Variants in MTUS1 observed in about 807,000 individuals in gnomAD.
MTUS1 encodes the protein microtubule-associated tumor suppressor 1.
MTUS1 carries 109 observed loss-of-function variants against 120.8 expected under a neutral mutation model. The observed-to-expected ratio is 0.90, with a 90% CI of 0.77 to 1.06. The LOEUF (loss-of-function observed/expected upper bound fraction) is 1.06, where lower values mean the gene tolerates loss of function less well. Among genes scored for constraint, MTUS1 ranks in the 50% least tolerant of loss-of-function variants. The pLI, the probability that MTUS1 is intolerant of heterozygous loss-of-function variation, is 0.00. For synonymous variants in MTUS1, 737 were observed against 550.5 expected (o/e 1.34, Z -4.74); for missense variants, 2,210 against 1,486.3 (o/e 1.49, Z -8.01).
intron 1 of MTUS1, among the ~76,000 whole-genome samples, chr8:17,762,642 C>T (rs1195379222): frequency 6.6e-6 from 1 of 152,202 alleles, no homozygotes; most frequent in Non-Finnish European, 1.5e-5. Flanking sequence ...TGATTTAATG[C>T]ATTTCAAAAT....
At chr8:17,705,202 T>C (rs1198043708) in intron 6 of MTUS1, among the ~76,000 whole-genome samples, 2 of 152,176 alleles carry the variant, frequency 1.3e-5, no homozygotes, top group Non-Finnish European at 2.9e-5. Context: ...CAAGCTGGTC[T>C]TGAACTCCTG....
At position 17,653,497 on chromosome 8, in the gene MTUS1, T is replaced by C. The variant is rs200873710; in HGVS notation, c.3216A>G (p.Glu1072=). The C allele has an allele frequency of 2.0e-4, 316 of 1,606,136 alleles. No homozygotes were observed. The East Asian group carries it at 6.9e-3, about 35-fold the overall frequency. ...TTTCTATTTCATGGCCTTTCTTAAT[T>C]TCTGGGAAAATAAACGGATATTTTT... ...LKKAYEASLS[E]IKKGHEIEKK... The change falls in exon 11 of 15, where the codon GAA becomes GAG. Residue 1072 remains glutamate, a splice_region_variant and synonymous_variant. Coordinates refer to ENST00000693296, the MANE Select transcript of MTUS1 (RefSeq NM_001363059.2).
At chr8:17,724,617 A>G (rs1471703478) in intron 3 of MTUS1, among the ~76,000 whole-genome samples, 1 of 152,156 alleles carries the variant, frequency 6.6e-6, no homozygotes, top group African/African-American at 2.4e-5. Context: ...AGTGAAATAA[A>G]TATACAGGCT....
chr8:17,753,573 A>G (rs977037441), intron 2 of MTUS1, 144 bp downstream of exon 2: 5 of 600,824 alleles, frequency 8.3e-6, no homozygotes, highest in Non-Finnish European at 1.1e-5. Context: ...CCCAGTACTG[A>G]CAAGACAATG....
chr8:17,715,175 G>T (rs1417435610), intron 5 of MTUS1, among the ~76,000 whole-genome samples: 1 of 151,864 alleles, frequency 6.6e-6, no homozygotes, highest in Non-Finnish European at 1.5e-5. Context: ...CAAAGTGCTG[G>T]GATTACAGGC....
chr8:17,768,326 T>C (rs978171561), intron 1 of MTUS1, among the ~76,000 whole-genome samples: 1 of 152,100 alleles, frequency 6.6e-6, no homozygotes, highest in Non-Finnish European at 1.5e-5. Flanking sequence ...TTTTACTCAA[T>C]CCAAAATAAA....
chr8:17,695,245 A>T (rs1173783530), intron 6 of MTUS1, among the ~76,000 whole-genome samples: 1 of 152,170 alleles, frequency 6.6e-6, no homozygotes, highest in Admixed American at 6.5e-5. Context: ...CAACACACAA[A>T]ACGCTTCCTC....
chr8:17,697,485 G>T, intron 6 of MTUS1: 1 of 1,470,906 alleles, frequency 6.8e-7, no homozygotes, highest in Admixed American at 2.1e-5. Flanking sequence ...TACAGTCAGA[G>T]GAAAGATGCC....
chr8:17,670,085 G>T (rs764139630), intron 8 of MTUS1, among the ~76,000 whole-genome samples: 18 of 152,198 alleles, frequency 1.2e-4, no homozygotes, highest in South Asian at 6.2e-4. Flanking sequence ...GTGGAGGATG[G>T]GGGAACAGGA....
intron 1 of MTUS1, among the ~76,000 whole-genome samples, chr8:17,783,954 A>T (rs531091348): frequency 2.6e-5 from 4 of 152,316 alleles, no homozygotes; most frequent in Non-Finnish European, 5.9e-5. Context: ...AATGCAATGA[A>T]GATTTCCACT....
intron 7 of MTUS1, among the ~76,000 whole-genome samples, chr8:17,681,230 G>C (rs1000844890): frequency 6.6e-6 from 1 of 151,974 alleles, no homozygotes; most frequent in African/African-American, 2.4e-5. Context: ...CACAGCGCCC[G>C]GCCTGCATTT....
chr8:17,784,653 A>G (rs1294247591), intron 1 of MTUS1, among the ~76,000 whole-genome samples: 3 of 152,224 alleles, frequency 2.0e-5, no homozygotes, highest in Non-Finnish European at 4.4e-5. Context: ...AACTGGCTAC[A>G]AAGAGAGGAA....
intron 3 of MTUS1, among the ~76,000 whole-genome samples, chr8:17,739,683 A>C (rs776913610): frequency 2.2e-4 from 33 of 152,122 alleles, no homozygotes; most frequent in Admixed American, 1.3e-4. Context: ...CTTGTCTATA[A>C]AATAGGGATA....
intron 8 of MTUS1, among the ~76,000 whole-genome samples, chr8:17,668,210 G>A (rs1811297488): frequency 6.6e-6 from 1 of 152,216 alleles, no homozygotes; most frequent in Non-Finnish European, 1.5e-5. Flanking sequence ...AACATTATGA[G>A]ATGTGTGAAT....
At position 17,653,103 on chromosome 8, in the gene MTUS1, T is replaced by C. The variant is rs548874672; in HGVS notation, c.3384+83A>G. On this transcript the variant is annotated intron_variant, in intron 12 of 14. Coordinates refer to ENST00000693296, the MANE Select transcript of MTUS1 (RefSeq NM_001363059.2). ...AAGGATTCCCAACCTGTGTTATTTC[T>C]CTGGCTGCTGAGTACTTGAATGACT... The C allele has an allele frequency of 1.5e-5, 11 of 753,450 alleles. No individual in the cohort carries two copies. In the Admixed American group the frequency reaches 3.4e-4, roughly 23 times the overall value. The allele number at this position is 753,450 out of a possible 1,614,324, so 46.7% of individuals were successfully genotyped here. A position where few individuals can be genotyped will look rare whatever the true frequency, so the allele number is the denominator to read the frequency against.
intron 2 of MTUS1, among the ~76,000 whole-genome samples, chr8:17,746,878 T>C (rs1433147316): frequency 6.6e-6 from 1 of 152,206 alleles, no homozygotes; most frequent in African/African-American, 2.4e-5. Context: ...AAATTAATCT[T>C]ACTTTCCTAT....
chr8:17,705,016 C>G (rs947645344), intron 6 of MTUS1, among the ~76,000 whole-genome samples: 1 of 152,126 alleles, frequency 6.6e-6, no homozygotes, highest in Admixed American at 6.5e-5. Flanking sequence ...CGGAGTCTTG[C>G]TCTGTCACCC....
At chr8:17,797,278 C>A (rs910802870) in intron 1 of MTUS1, among the ~76,000 whole-genome samples, 1 of 150,752 alleles carries the variant, frequency 6.6e-6, no homozygotes, top group Non-Finnish European at 1.5e-5. Context: ...CCAGGCATGG[C>A]GGCACATGAC....
At chr8:17,726,832 G>A (rs2046258710) in intron 3 of MTUS1, among the ~76,000 whole-genome samples, 1 of 152,132 alleles carries the variant, frequency 6.6e-6, no homozygotes, top group Admixed American at 6.5e-5. Context: ...AATAAGCAAG[G>A]TTGGGCACGT....
Sources: gnomAD v4.1 joint callset for allele counts (sites outside exome capture counted in the v4.1 genomes callset) on GRCh38, gnomAD v4.1.1 for gene constraint, MANE v1.5 for transcripts, NCBI Gene and HGNC (gene_info 2026-07-23, HGNC 2026-07-21) for gene names.